CDKL2: variants seen among roughly 807,000 people sequenced by gnomAD.
CDKL2 encodes the protein cyclin-dependent kinase-like 2.
CDKL2 carries 64 observed loss-of-function variants against 63.9 expected under a neutral mutation model. The observed-to-expected ratio is 1.00, with a 90% CI of 0.82 to 1.23. The LOEUF (loss-of-function observed/expected upper bound fraction) is 1.23, where lower values mean the gene tolerates loss of function less well. Among genes scored for constraint, CDKL2 ranks in the 50% most tolerant of loss-of-function variants. The pLI is 0.00. For synonymous variants in CDKL2, 211 were observed against 229.2 expected (o/e 0.92, Z 0.72); for missense variants, 656 against 668.0 (o/e 0.98, Z 0.20).
intron 6 of CDKL2, 28 bp downstream of exon 6, chr4:75,603,789 A>G: frequency 3.2e-6 from 5 of 1,554,152 alleles, no homozygotes; most frequent in Non-Finnish European, 4.3e-6. Flanking sequence ...ATTCCCTGTC[A>G]TAAAGTGTAA....
intron 5 of CDKL2, among the ~76,000 whole-genome samples, chr4:75,605,249 AG>A (rs1455593071): frequency 2.0e-5 from 3 of 152,018 alleles, no homozygotes; most frequent in Non-Finnish European, 4.4e-5. Flanking sequence ...GCTACTCGGG[AG>A]GCTGAGGCAG....
intron 2 of CDKL2, among the ~76,000 whole-genome samples, chr4:75,621,296 C>CAAA (rs59563954): frequency 1.6e-4 from 21 of 129,088 alleles, no homozygotes; most frequent in African/African-American, 4.8e-4. Flanking sequence ...AATTAACAGA[C>CAAA]AAAAAAAAAA....
chr4:75,622,556 T>TA (rs1306583048), intron 2 of CDKL2, among the ~76,000 whole-genome samples: 2 of 150,640 alleles, frequency 1.3e-5, no homozygotes, highest in African/African-American at 4.9e-5. Context: ...CCGTCTCTAC[T>TA]AAAATACAAA....
intron 12 of CDKL2, among the ~76,000 whole-genome samples, chr4:75,583,834 A>T (rs1196438801): frequency 6.6e-6 from 1 of 152,212 alleles, no homozygotes; most frequent in Non-Finnish European, 1.5e-5. Context: ...AAATATAAAA[A>T]GATATTGCCG....
At chr4:75,592,035 T>C (rs1376629330) in intron 11 of CDKL2, 110 bp from the exon 12 acceptor site, 6 of 1,310,826 alleles carry the variant, frequency 4.6e-6, no homozygotes, top group African/African-American at 1.5e-5. Flanking sequence ...AACAGGTATT[T>C]ACATACTTAA....
intron 1 of CDKL2, among the ~76,000 whole-genome samples, chr4:75,626,887 C>T (rs955790164): frequency 2.6e-5 from 4 of 151,566 alleles, no homozygotes; most frequent in Non-Finnish European, 5.9e-5. Flanking sequence ...GAATCTGTCT[C>T]AAAAACAAAA....
In CDKL2 at chr4:75,601,367, T is replaced by C. The variant is rs534103014; in HGVS notation, c.796-998A>G. ...TTTTATTGCAAAGTCTTGTTCTGATTCATTAAAACCCCTAACATGCCAGTA... is the reference window on the plus strand; with the variant it reads ...TTTTATTGCAAAGTCTTGTTCTGATCCATTAAAACCCCTAACATGCCAGTA... On this transcript the variant is annotated intron_variant, in intron 6 of 13. Transcript: ENST00000307465. 2.0e-5 allele frequency among the ~76,000 whole-genome samples: 3 copies of C among 152,266 alleles called. No individual in the cohort carries two copies. In the South Asian group the frequency reaches 6.2e-4, roughly 32 times the overall value.
chr4:75,583,226 G>C (rs1478689277), intron 12 of CDKL2, among the ~76,000 whole-genome samples: 1 of 152,226 alleles, frequency 6.6e-6, no homozygotes, highest in Non-Finnish European at 1.5e-5. Flanking sequence ...CTGGAGATAT[G>C]TAAATGTAGT....
intron 12 of CDKL2, among the ~76,000 whole-genome samples, chr4:75,586,772 A>G (rs972809883): frequency 1.3e-5 from 2 of 152,242 alleles, no homozygotes; most frequent in African/African-American, 4.8e-5. Context: ...CAGTAAGCAT[A>G]GAAATGAAAA....
In CDKL2 at chr4:75,597,953, C is replaced by T. The variant is rs1436048930; in HGVS notation, c.1020+124G>A. ...TATCTACTGAGAAGATACATTTTTA[C>T]AACTAAACTAAAAGTTAACAATTTG... On this transcript the variant is annotated intron_variant, in intron 8 of 13. Coordinates refer to ENST00000307465, the MANE Select transcript of CDKL2 (RefSeq NM_001330724.2). 4 of 578,002 alleles carry T rather than the reference C, an allele frequency of 6.9e-6. No individual in the cohort carries two copies. The East Asian group carries it at 1.4e-4, about 20-fold the overall frequency. The allele number at this position is 578,002 out of a possible 1,614,324, so 35.8% of individuals were successfully genotyped here. A position where few individuals can be genotyped will look rare whatever the true frequency, so the allele number is the denominator to read the frequency against.
In CDKL2 at chr4:75,598,679, G is replaced by A. The variant is rs1392072967; in HGVS notation, c.885-467C>T. ...CTTCATTAAAGCCAAACTCTTAAAC[G>A]CATCCTTTTTTTATGGTCTGTGTGA... is the stretch of plus-strand genomic sequence containing the variant. On this transcript the variant is annotated intron_variant, in intron 7 of 13. Transcript: ENST00000307465. Among the ~76,000 whole-genome samples, 6 of 151,164 alleles carry A rather than the reference G, an allele frequency of 4.0e-5. No individual in the cohort carries two copies. The East Asian group carries it at 7.7e-4, about 20-fold the overall frequency.
intron 12 of CDKL2, among the ~76,000 whole-genome samples, chr4:75,583,215 T>C (rs1728334176): frequency 6.6e-6 from 1 of 152,226 alleles, no homozygotes; most frequent in Non-Finnish European, 1.5e-5. Context: ...GTATTGGGGT[T>C]CTGGAGATAT....
intron 8 of CDKL2, 51 bp downstream of exon 8, chr4:75,598,026 A>G (rs368281660): frequency 3.6e-4 from 429 of 1,203,662 alleles, no homozygotes; most frequent in Non-Finnish European, 7.4e-5. Flanking sequence ...TTCTCAAAAA[A>G]TTTAAAAAAA....
rs1159221213 is a variant in CDKL2, at chr4:75,596,311, A to G, written c.1352T>C (p.Ile451Thr). 6 of 1,611,962 alleles carry G rather than the reference A, an allele frequency of 3.7e-6. No individual in the cohort carries two copies. The highest frequency in any genetic ancestry group is 1.3e-5 in the African/African-American group (1 of 75,024). ...ATGTCTGTTCGGTTTAACAAATGGA[A>G]TAGAACACTTCTTAGTTTTCTCATC... is the stretch of plus-strand genomic sequence containing the variant. ...RVDEKTKKCS[I>T]PFVKPNRHSP... Residue 451 changes from isoleucine (I) to threonine (T), a missense_variant, in exon 10 of 14, where the codon ATT (isoleucine) becomes ACT (threonine). Coordinates refer to ENST00000307465, the MANE Select transcript of CDKL2 (RefSeq NM_001330724.2).
intron 13 of CDKL2, among the ~76,000 whole-genome samples, chr4:75,580,287 ATG>A (rs1206965853): frequency 6.6e-6 from 1 of 151,776 alleles, no homozygotes; most frequent in East Asian, 2.0e-4. Context: ...AGTTGTGAGA[ATG>A]TGGGAATTTA....
chr4:75,579,882 G>T (rs1005691102), intron 13 of CDKL2, among the ~76,000 whole-genome samples: 3 of 152,172 alleles, frequency 2.0e-5, no homozygotes, highest in African/African-American at 7.2e-5. Context: ...GCAAATGAAA[G>T]ATCAAAACTT....
chr4:75,598,555 T>A (rs1193659789), intron 7 of CDKL2, among the ~76,000 whole-genome samples: 1 of 151,018 alleles, frequency 6.6e-6, no homozygotes, highest in Non-Finnish European at 1.5e-5. Context: ...GTCATTACTT[T>A]CTTGATAACC....
intron 11 of CDKL2, 54 bp downstream of exon 11, chr4:75,592,092 T>C: frequency 6.8e-7 from 1 of 1,467,926 alleles, no homozygotes; most frequent in South Asian, 1.3e-5. Flanking sequence ...CTGTCTAACA[T>C]ACATTTTAAA....
In CDKL2 at chr4:75,592,234, C is replaced by T. The variant is rs1560575719; in HGVS notation, c.1452G>A (p.Lys484=). 2.0e-6 allele frequency: 3 copies of T among 1,533,608 alleles called. No individual in the cohort carries two copies. The highest frequency in any genetic ancestry group is 2.6e-6 in the Non-Finnish European group (3 of 1,146,010). The stretch of plus-strand genomic sequence containing the variant: ...CTGTCCTGGAGTATTCTCTTCTTTT[C>T]TTACTTGCCCAAAAGAGGTTTTTTT... ...SSEKNLFWAS[K]KRREYSRTDV... is the part of the protein sequence containing the mutation. The change falls in exon 11 of 14, where the codon AAG becomes AAA. Residue 484 remains lysine (K), a synonymous_variant. Coordinates refer to ENST00000307465, the MANE Select transcript of CDKL2 (RefSeq NM_001330724.2).
Sources: gnomAD v4.1 joint callset for allele counts (sites outside exome capture counted in the v4.1 genomes callset) on GRCh38, gnomAD v4.1.1 for gene constraint, MANE v1.5 for transcripts, NCBI Gene and HGNC (gene_info 2026-07-23, HGNC 2026-07-21) for gene names.